BIRC6: variants seen among roughly 807,000 people sequenced by gnomAD.
BIRC6 encodes dual E2 ubiquitin-conjugating enzyme/E3 ubiquitin-protein ligase BIRC6.
BIRC6 carries 98 observed loss-of-function variants against 503.3 expected under a neutral mutation model. The observed-to-expected ratio is 0.19, with a 90% CI of 0.17 to 0.23. The LOEUF is 0.23. BIRC6 is among the 10% of genes least tolerant of loss of function. The probability of loss-of-function intolerance (pLI) is 1.00; values close to 1 mark genes in which losing one functional copy is unlikely to be tolerated. For missense variants in BIRC6, 5,360 were observed against 5,806.0 expected (o/e 0.92, Z 2.50); for synonymous variants, 2,240 against 2,078.7 (o/e 1.08, Z -2.11).
intron 15 of BIRC6, among the ~76,000 whole-genome samples, chr2:32,437,230 T>C (rs1369604680): frequency 6.6e-6 from 1 of 152,170 alleles, no homozygotes; most frequent in East Asian, 1.9e-4. Context: ...CAGTATCATA[T>C]ACAATGATTT....
intron 69 of BIRC6, among the ~76,000 whole-genome samples, chr2:32,599,371 G>C (rs2061895991): frequency 6.6e-6 from 1 of 151,424 alleles, no homozygotes; most frequent in African/African-American, 2.4e-5. Context: ...CAGGCACAGT[G>C]GCTCAAGCCC....
chr2:32,378,396 T>G (rs573271713), intron 2 of BIRC6, among the ~76,000 whole-genome samples: 20 of 151,982 alleles, frequency 1.3e-4, no homozygotes, highest in Middle Eastern at 3.4e-3. Context: ...GAGGTGGTTC[T>G]TTCTTTCTTT....
intron 66 of BIRC6, among the ~76,000 whole-genome samples, chr2:32,583,730 T>C (rs748564992): frequency 2.0e-5 from 3 of 152,116 alleles, no homozygotes; most frequent in Non-Finnish European, 4.4e-5. Flanking sequence ...TAAAACGTAT[T>C]GTAATTTTTT....
chr2:32,509,948 A>G lies in BIRC6; in HGVS notation c.10191A>G (p.Ile3397Met), dbSNP rs1375794214. Residue 3397 changes from isoleucine (I) to methionine (M), a missense_variant, in exon 52 of 74, where the codon ATA becomes ATG. Physicochemically the swap from Ile to Met is conservative, Grantham distance 10. Transcript: ENST00000421745. The stretch of plus-strand genomic sequence containing the variant: ...CTACTAGAATTGGCCTGAAGCTCAT[A>G]GACATTCTCCTGAGAAATTGTGCAG... ...LQSTRIGLKL[I>M]DILLRNCAAS... 6 of 1,614,016 alleles carry G rather than the reference A, an allele frequency of 3.7e-6. No individual in the cohort carries two copies. The highest frequency in any genetic ancestry group is 5.1e-6 in the Non-Finnish European group (6 of 1,179,882).
At chr2:32,397,135 T>C (rs1234109553) in intron 6 of BIRC6, among the ~76,000 whole-genome samples, 1 of 152,170 alleles carries the variant, frequency 6.6e-6, no homozygotes, top group East Asian at 1.9e-4. Flanking sequence ...TACTCATCTA[T>C]TTTGGGACCA....
chr2:32,616,689 A>AT (rs2063267049), intron 73 of BIRC6, among the ~76,000 whole-genome samples: 1 of 152,028 alleles, frequency 6.6e-6, no homozygotes, highest in Admixed American at 6.6e-5. Flanking sequence ...CCTGATAAAT[A>AT]TTTTTTTCAT....
Position 32,499,774 on chromosome 2 carries a change from A to G in BIRC6, c.8696A>G (p.Asn2899Ser). The G allele has an allele frequency of 1.9e-6, 3 of 1,614,004 alleles. No individual in the cohort carries two copies. The highest frequency in any genetic ancestry group is 1.1e-5 in the South Asian group (1 of 91,086). Residue 2899 changes from asparagine to serine, a missense_variant, in exon 46 of 74, where the codon AAT becomes AGT. This residue lies in a region of BIRC6 where 2,299 missense variants were observed against 2,267.2 expected (regional missense o/e 1.01). Transcript: ENST00000421745. ...ARACFGGLFA[N>S]LIRPGDAKAV... is the part of the protein sequence containing the mutation. ...GCATGCTTTGGGGGACTCTTTGCCAATCTTATTCGTCCGGGTGATGCAAAA... is the reference window on the plus strand; with the variant it reads ...GCATGCTTTGGGGGACTCTTTGCCAGTCTTATTCGTCCGGGTGATGCAAAA...
intron 11 of BIRC6, 22 bp from the exon 12 acceptor site, chr2:32,430,843 T>C: frequency 4.5e-6 from 3 of 661,004 alleles, no homozygotes; most frequent in South Asian, 1.5e-5. Context: ...CTATTTCAAA[T>C]ACTGCTCTCA....
At chr2:32,501,067 A>G (rs2053134599) in intron 46 of BIRC6, among the ~76,000 whole-genome samples, 1 of 152,206 alleles carries the variant, frequency 6.6e-6, no homozygotes, top group Non-Finnish European at 1.5e-5. Flanking sequence ...CTATGACACA[A>G]ACCAGTGTTA....
chr2:32,401,304 G>A lies in BIRC6; in HGVS notation c.1176G>A (p.Gly392=), dbSNP rs2040572715. The change falls in exon 7 of 74, where the codon GGG becomes GGA. Residue 392 remains glycine, a synonymous_variant. Transcript: ENST00000421745. The part of the protein sequence containing the change: ...TDGTDRISCF[G]SGSCPHFLAA... ...GAACTGACAGAATATCTTGCTTTGGGTCGGGGAGCTGCCCTCATTTTCTAG... is the reference window on the plus strand; with the variant it reads ...GAACTGACAGAATATCTTGCTTTGGATCGGGGAGCTGCCCTCATTTTCTAG... The A allele has an allele frequency of 6.2e-7, 1 of 1,613,998 alleles. No individual in the cohort carries two copies. The highest frequency in any genetic ancestry group is 2.2e-5 in the East Asian group (1 of 44,884).
intron 69 of BIRC6, 123 bp from the exon 70 acceptor site, chr2:32,599,616 C>T (rs553336204): frequency 4.2e-5 from 40 of 948,628 alleles, no homozygotes; most frequent in South Asian, 2.7e-4. Context: ...CCAGCCTGGG[C>T]GACAGAGTGG....
At position 32,618,020 on chromosome 2, in the gene BIRC6, T is replaced by C. The variant is rs752254176; in HGVS notation, c.*116T>C. The C allele has an allele frequency of 6.7e-6, 7 of 1,040,278 alleles. No individual in the cohort carries two copies. The highest frequency in any genetic ancestry group is 9.6e-6 in the Non-Finnish European group (7 of 728,738). The allele number at this position is 1,040,278 out of a possible 1,614,324, so 64.4% of individuals were successfully genotyped here. A position where few individuals can be genotyped will look rare whatever the true frequency, so the allele number is the denominator to read the frequency against. On this transcript the variant is annotated 3_prime_UTR_variant, in exon 74 of 74. Coordinates refer to ENST00000421745, the MANE Select transcript of BIRC6 (RefSeq NM_016252.4). Reference sequence around the variant, plus strand: ...AGGTAATGAAACTGAAACTATACTATGCCCTTAAGGAGATCCAGTTTAATT... The same window carrying C: ...AGGTAATGAAACTGAAACTATACTACGCCCTTAAGGAGATCCAGTTTAATT...
chr2:32,606,672 G>C (rs1227734264), intron 71 of BIRC6, among the ~76,000 whole-genome samples: 1 of 152,000 alleles, frequency 6.6e-6, no homozygotes, highest in Non-Finnish European at 1.5e-5. Flanking sequence ...AATTTAAAAT[G>C]GTCTCAGGCA....
intron 40 of BIRC6, 132 bp downstream of exon 40, chr2:32,485,891 T>G (rs1263032785): frequency 8.3e-6 from 5 of 599,924 alleles, no homozygotes; most frequent in African/African-American, 7.4e-5. Flanking sequence ...TGTAGCACTT[T>G]CCTGGCTCCG....
intron 66 of BIRC6, among the ~76,000 whole-genome samples, chr2:32,576,740 A>C (rs1405592518): frequency 6.6e-6 from 1 of 152,156 alleles, no homozygotes; most frequent in Admixed American, 6.5e-5. Flanking sequence ...ATGTGTTGTC[A>C]TTATCACTTT....
At chr2:32,476,482 G>A (rs1223733560) in intron 34 of BIRC6, 138 bp downstream of exon 34, 12 of 774,394 alleles carry the variant, frequency 1.5e-5, no homozygotes, top group African/African-American at 9.2e-5. Context: ...TTTTGGTGGG[G>A]TAGTTTAACT....
At chr2:32,531,296 G>T (rs1050872272) in intron 60 of BIRC6, 59 bp from the exon 61 acceptor site, 18 of 1,397,042 alleles carry the variant, frequency 1.3e-5, no homozygotes, top group East Asian at 2.4e-5. Context: ...GTAAATGAAA[G>T]AATATTATAA....
intron 13 of BIRC6, 191 bp from the exon 14 acceptor site, chr2:32,435,305 A>G (rs2044578030): frequency 4.7e-6 from 1 of 211,314 alleles, no homozygotes; most frequent in Non-Finnish European, 8.2e-6. Context: ...GTATAAAACA[A>G]TTGAATCAAA....
At chr2:32,559,234 C>G (rs75137534) in intron 65 of BIRC6, among the ~76,000 whole-genome samples, 1 of 152,196 alleles carries the variant, frequency 6.6e-6, no homozygotes, top group Non-Finnish European at 1.5e-5. Context: ...AATCAGCAAA[C>G]AGGCCCTTTT....
Sources: gnomAD v4.1 joint callset for allele counts (sites outside exome capture counted in the v4.1 genomes callset) on GRCh38, gnomAD v4.1.1 for gene constraint, gnomAD v4.1.1 regional missense constraint, MANE v1.5 for transcripts, NCBI Gene and HGNC (gene_info 2026-07-23, HGNC 2026-07-21) for gene names.